Variants in ANO3 observed in about 807,000 individuals in gnomAD.
ANO3 encodes anoctamin 3.
In ANO3, 99 loss-of-function variants were observed where a neutral mutation model predicts 144.8. The ratio of observed to expected loss-of-function variants is 0.68; its 90% CI spans 0.58 to 0.81. ANO3 has a LOEUF of 0.81. Ranked by LOEUF, ANO3 falls within the 30% of genes least tolerant of loss-of-function variation. ANO3 has a pLI of 0.00. For synonymous variants in ANO3, 414 were observed against 392.6 expected, an observed-to-expected ratio of 1.05 and a Z score of -0.64; for missense variants, 905 against 1,202.2, an observed-to-expected ratio of 0.75 and a Z score of 3.66.
intron 23 of ANO3, among the ~76,000 whole-genome samples, chr11:26,647,383 T>G (rs1353595063): frequency 1.3e-5 from 2 of 152,208 alleles, no homozygotes; most frequent in Non-Finnish European, 2.9e-5. Context: ...TGTACTATTT[T>G]TATTGCCTCA....
chr11:26,195,145 G>A (rs775149857), intron 1 of ANO3, among the ~76,000 whole-genome samples: 6 of 152,184 alleles, frequency 3.9e-5, no homozygotes, highest in Non-Finnish European at 8.8e-5. Context: ...GTGGCTGCAC[G>A]AGGACCTTGG....
At chr11:26,520,085 CCTTAA>C (rs1470037685) in intron 6 of ANO3, among the ~76,000 whole-genome samples, 1 of 152,038 alleles carries the variant, frequency 6.6e-6, no homozygotes, top group Non-Finnish European at 1.5e-5. Flanking sequence ...ATTGTTGTTC[CCTTAA>C]CTTAGATTTA....
chr11:26,206,206 A>C (rs1851792630), intron 1 of ANO3, among the ~76,000 whole-genome samples: 1 of 152,150 alleles, frequency 6.6e-6, no homozygotes, highest in Admixed American at 6.6e-5. Flanking sequence ...CATCATTTAA[A>C]TTTTACATAT....
intron 1 of ANO3, among the ~76,000 whole-genome samples, chr11:26,312,700 T>C (rs11029511): frequency 0.33 from 50,408 of 152,046 alleles, 9,365 homozygotes; most frequent in Non-Finnish European, 0.42. Flanking sequence ...TTGAATTTTC[T>C]TGTAAATTTG....
At chr11:26,489,392 G>A (rs1043994809) in intron 4 of ANO3, among the ~76,000 whole-genome samples, 2 of 152,226 alleles carry the variant, frequency 1.3e-5, no homozygotes, top group African/African-American at 4.8e-5. Flanking sequence ...TGTTGCAGGG[G>A]TGCAGCCCTC....
At chr11:26,367,029 G>A (rs557530473) in intron 1 of ANO3, among the ~76,000 whole-genome samples, 3 of 152,260 alleles carry the variant, frequency 2.0e-5, no homozygotes, top group African/African-American at 7.2e-5. Flanking sequence ...TTTAACAAAT[G>A]GTGCTGGCAA....
intron 1 of ANO3, among the ~76,000 whole-genome samples, chr11:26,199,224 G>C (rs575237977): frequency 6.6e-6 from 1 of 151,948 alleles, no homozygotes; most frequent in Non-Finnish European, 1.5e-5. Flanking sequence ...TGCTCTCAAG[G>C]TTCCTGACTC....
chr11:26,520,959 T>A lies in ANO3; in HGVS notation c.692+4032T>A, dbSNP rs1237741551. 2.6e-5 allele frequency among the ~76,000 whole-genome samples: 4 copies of A among 152,274 alleles called. No individual in the cohort carries two copies. In the East Asian group the frequency reaches 7.7e-4, roughly 29 times the overall value. ...TTTCCTAATTTCCATGTAATACTGG[T>A]GTTCTTGAGAAAAGAGTTTGAGAAC... On this transcript the variant is annotated intron_variant, in intron 6 of 26. Transcript: ENST00000256737.
chr11:26,194,450 G>GTGTGTATA (rs769533207), intron 1 of ANO3, among the ~76,000 whole-genome samples: 1 of 144,494 alleles, frequency 6.9e-6, no homozygotes, highest in Non-Finnish European at 1.5e-5. Context: ...GTGTGTGTGT[G>GTGTGTATA]TGTGTGTGTG....
At chr11:26,349,947 T>C (rs1855597023) in intron 1 of ANO3, among the ~76,000 whole-genome samples, 1 of 152,122 alleles carries the variant, frequency 6.6e-6, no homozygotes, top group African/African-American at 2.4e-5. Flanking sequence ...CTGAGTACAG[T>C]GACCTCCTTG....
chr11:26,295,868 G>A (rs911782443), intron 1 of ANO3, among the ~76,000 whole-genome samples: 2 of 152,082 alleles, frequency 1.3e-5, no homozygotes, highest in Non-Finnish European at 2.9e-5. Flanking sequence ...CCCTTTTTAT[G>A]TTCTTCATGG....
intron 1 of ANO3, among the ~76,000 whole-genome samples, chr11:26,431,286 A>G (rs1363424717): frequency 2.0e-5 from 3 of 152,222 alleles, no homozygotes; most frequent in Non-Finnish European, 1.5e-5. Context: ...TTTAATTTCA[A>G]CCTTTATAAT....
chr11:26,646,709 G>T (rs1484686290), intron 23 of ANO3, among the ~76,000 whole-genome samples: 1 of 151,706 alleles, frequency 6.6e-6, no homozygotes, highest in African/African-American at 2.4e-5. Context: ...TTTTCTCTAG[G>T]TTTATCTTAT....
chr11:26,588,492 G>A (rs1026196233), intron 14 of ANO3, among the ~76,000 whole-genome samples: 3 of 152,156 alleles, frequency 2.0e-5, no homozygotes, highest in African/African-American at 7.2e-5. Context: ...CCTACTTTCT[G>A]AGAAAGATTC....
At chr11:26,273,671 C>G (rs192579191) in intron 1 of ANO3, among the ~76,000 whole-genome samples, 1 of 144,436 alleles carries the variant, frequency 6.9e-6, no homozygotes, top group African/African-American at 2.6e-5. Flanking sequence ...CACACACACA[C>G]ACAAATTCTG....
intron 18 of ANO3, among the ~76,000 whole-genome samples, chr11:26,628,480 T>C (rs987723790): frequency 3.9e-5 from 6 of 152,210 alleles, no homozygotes; most frequent in Admixed American, 6.5e-5. Flanking sequence ...ACAGCACCTA[T>C]ATCCTTAGTG....
At chr11:26,329,812 A>ATT (rs34683057), upstream of ANO3, among the ~76,000 whole-genome samples, 300 of 139,442 alleles carry the variant, frequency 2.2e-3, 1 homozygote, top group African/African-American at 6.5e-3. Flanking sequence ...AGGGACTTAA[A>ATT]TTTTTTTTTT....
intron 2 of ANO3, among the ~76,000 whole-genome samples, chr11:26,443,460 G>C (rs997734233): frequency 1.3e-5 from 2 of 152,056 alleles, no homozygotes; most frequent in Non-Finnish European, 2.9e-5. Context: ...AAGTTAGCCA[G>C]GCATGATGGT....
intron 24 of ANO3, among the ~76,000 whole-genome samples, chr11:26,649,931 C>A (rs1327414951): frequency 6.6e-6 from 1 of 152,076 alleles, no homozygotes; most frequent in African/African-American, 2.4e-5. Context: ...GTTAGGGAGC[C>A]CTCTTCCATA....
Sources: allele counts gnomAD v4.1 joint callset (sites outside exome capture counted in the v4.1 genomes callset), GRCh38; gene constraint gnomAD v4.1.1; transcripts MANE v1.5; gene names NCBI Gene and HGNC (gene_info 2026-07-23, HGNC 2026-07-21).